Variants in BRD1 observed in about 807,000 individuals in gnomAD.
The protein encoded by BRD1 is bromodomain-containing protein 1.
BRD1 carries 24 observed loss-of-function variants against 107.7 expected under a neutral mutation model. The ratio of observed to expected loss-of-function variants is 0.22; its 90% CI spans 0.16 to 0.31. The LOEUF (loss-of-function observed/expected upper bound fraction) is 0.31. Ranked by LOEUF, BRD1 falls within the 10% of genes least tolerant of loss-of-function variation. The probability of loss-of-function intolerance (pLI) is 1.00; values close to 1 mark genes in which losing one functional copy is unlikely to be tolerated. For synonymous variants in BRD1, 744 were observed against 686.1 expected (o/e 1.08, Z -1.32); for missense variants, 1,279 against 1,638.6 (o/e 0.78, Z 3.79).
chr22:49,812,561 A>T (rs1277020855), intron 2 of BRD1, among the ~76,000 whole-genome samples: 2 of 152,152 alleles, frequency 1.3e-5, no homozygotes, highest in Non-Finnish European at 2.9e-5. Flanking sequence ...ACAGAGCAAG[A>T]CCTTGTCTCA....
intron 1 of BRD1, among the ~76,000 whole-genome samples, chr22:49,826,971 G>A (rs2060153639): frequency 6.6e-6 from 1 of 152,182 alleles, no homozygotes; most frequent in Non-Finnish European, 1.5e-5. Flanking sequence ...CAAACGCCCG[G>A]GGAGGCCGCG....
intron 6 of BRD1, among the ~76,000 whole-genome samples, chr22:49,795,127 T>A (rs1158795836): frequency 6.6e-6 from 1 of 152,188 alleles, no homozygotes; most frequent in Admixed American, 6.5e-5. Context: ...AACAAATCAG[T>A]CCTTCAAGAC....
chr22:49,827,308 T>G (rs1253572913), intron 1 of BRD1, among the ~76,000 whole-genome samples, 189 bp downstream of exon 1: 1 of 147,410 alleles, frequency 6.8e-6, no homozygotes, highest in African/African-American at 2.5e-5. Context: ...CTCCCCGGTC[T>G]CCCCGCCCGG....
At position 49,797,875 on chromosome 22, in the gene BRD1, T is replaced by C. The variant is rs143172394; in HGVS notation, c.2028A>G (p.Glu676=). The change falls in exon 6 of 13, where the codon GAA becomes GAG. Residue 676 remains glutamate, a synonymous_variant. Coordinates refer to ENST00000404760, the MANE Select transcript of BRD1 (RefSeq NM_001304808.3). Reference sequence around the variant, plus strand: ...CAGGCAGGTGCATCCCCGAGGCCTCTTCCAAGCCGATGCTGTCCACCTCGC... The same window carrying C: ...CAGGCAGGTGCATCCCCGAGGCCTCCTCCAAGCCGATGCTGTCCACCTCGC... ...ARREVDSIGL[E]EASGMHLPER... The C allele has an allele frequency of 4.0e-5, 64 of 1,613,496 alleles. No homozygotes were observed. The highest frequency in any genetic ancestry group is 5.3e-5 in the Non-Finnish European group (63 of 1,180,026).
intron 11 of BRD1, 108 bp from the exon 12 acceptor site, chr22:49,775,853 C>T: frequency 1.6e-6 from 2 of 1,234,392 alleles, no homozygotes; most frequent in Non-Finnish European, 2.1e-6. Flanking sequence ...TGTGAGCCTC[C>T]TCAGACCACC....
intron 2 of BRD1, among the ~76,000 whole-genome samples, chr22:49,815,158 G>A (rs1362017597): frequency 3.3e-5 from 5 of 152,168 alleles, no homozygotes; most frequent in East Asian, 1.9e-4. Flanking sequence ...AGGAAGGTGC[G>A]GTGAGGCCAG....
At chr22:49,821,568 G>A (rs1410273573) in intron 2 of BRD1, among the ~76,000 whole-genome samples, 2 of 151,708 alleles carry the variant, frequency 1.3e-5, no homozygotes, top group Non-Finnish European at 2.9e-5. Context: ...CTTCACTTTG[G>A]TAAAGTAGAG....
intron 6 of BRD1, among the ~76,000 whole-genome samples, chr22:49,795,935 G>A (rs999578267): frequency 6.6e-6 from 1 of 152,230 alleles, no homozygotes; most frequent in Non-Finnish European, 1.5e-5. Flanking sequence ...CCTGGAGAGC[G>A]CAGCTTCAGA....
chr22:49,820,112 A>G (rs2060036552), intron 2 of BRD1, among the ~76,000 whole-genome samples: 1 of 152,132 alleles, frequency 6.6e-6, no homozygotes, highest in African/African-American at 2.4e-5. Context: ...CCTGGGCAAC[A>G]AAGCAAGACT....
At chr22:49,781,915 C>T (rs989665532) in intron 8 of BRD1, among the ~76,000 whole-genome samples, 8 of 126,548 alleles carry the variant, frequency 6.3e-5, no homozygotes, top group South Asian at 2.6e-4. Flanking sequence ...GGTCAGAGAC[C>T]GACCCAAGGC....
chr22:49,787,303 C>T lies in BRD1; in HGVS notation c.2857+87G>A, dbSNP rs138838. 7 of 750,066 alleles carry T rather than the reference C, an allele frequency of 9.3e-6. No individual in the cohort carries two copies. The East Asian group carries it at 1.5e-4, about 16-fold the overall frequency. 46.5% of individuals were successfully genotyped at this position (750,066 alleles called of 1,614,324 possible). A position where few individuals can be genotyped will look rare whatever the true frequency, so the allele number is the denominator to read the frequency against. On this transcript the variant is annotated intron_variant, in intron 8 of 12. Transcript: ENST00000404760. ...CTGCAAAAACAGAAGCTGGACACCC[C>T]CCCCCCCCCGTCACACCAATGATCC...
At chr22:49,774,565 G>C (rs2059043523) in intron 12 of BRD1, 149 bp from the exon 13 acceptor site, 1 of 877,050 alleles carries the variant, frequency 1.1e-6, no homozygotes, top group African/African-American at 1.7e-5. Flanking sequence ...TGCAGGGACA[G>C]GCCCGAGGCC....
At position 49,794,267 on chromosome 22, in the gene BRD1, C is replaced by T. The variant is rs1157389834; in HGVS notation, c.2126G>A (p.Arg709Lys). 1 of 1,612,504 alleles carries T rather than the reference C, an allele frequency of 6.2e-7. No individual in the cohort carries two copies. Among genetic ancestry groups the T allele is most frequent in the Non-Finnish European group, 8.5e-7 (1 of 1,179,044 alleles). Residue 709 changes from arginine (R) to lysine (K), a missense_variant, in exon 7 of 13, where the codon AGA becomes AAA. Around this residue, in one of 7 missense-constraint regions of BRD1, gnomAD observed 406 missense variants for 519.4 expected, o/e 0.78. Coordinates refer to ENST00000404760, the MANE Select transcript of BRD1 (RefSeq NM_001304808.3). ...CTGCTCCTCCAGGCCCAGGTGGGCTCTGTTGGCGGGGTCCAGCAACCTGTC... is the reference window on the plus strand; with the variant it reads ...CTGCTCCTCCAGGCCCAGGTGGGCTTTGTTGGCGGGGTCCAGCAACCTGTC... The part of the protein sequence containing the change: ...DVDRLLDPAN[R>K]AHLGLEEQLR...
intron 3 of BRD1, among the ~76,000 whole-genome samples, chr22:49,801,332 C>T (rs769447193): frequency 6.6e-6 from 1 of 152,250 alleles, no homozygotes; most frequent in East Asian, 1.9e-4. Flanking sequence ...ACAGACCCGC[C>T]ATCGCTGCAG....
intron 6 of BRD1, among the ~76,000 whole-genome samples, chr22:49,795,144 C>T (rs182035759): frequency 6.6e-6 from 1 of 152,328 alleles, no homozygotes; most frequent in East Asian, 1.9e-4. Context: ...AGACTCGTAT[C>T]CATAACATCA....
In BRD1 at chr22:49,774,364, CTA is replaced by C; in HGVS notation, c.3437_3438del (p.Ile1146ArgfsTer22). 6.2e-7 allele frequency: 1 copy of C among 1,614,072 alleles called. No individual in the cohort carries two copies. Among genetic ancestry groups the C allele is most frequent in the Non-Finnish European group, 8.5e-7 (1 of 1,179,972 alleles). On this transcript the variant is annotated frameshift_variant, in exon 13 of 13. Transcript: ENST00000404760. LOFTEE classifies it high-confidence loss of function. ...KMVPLGIDET[I>X]DKLKMMEGRN... ...CTCCCTTCCATCATCTTTAACTTGT[CTA>C]TAGTTTCGTCAATACCAAGGGGAAC...
chr22:49,815,551 GA>G (rs11360760), intron 2 of BRD1, among the ~76,000 whole-genome samples: 39,782 of 141,642 alleles, frequency 0.28, 11,089 homozygotes, highest in African/African-American at 0.72. Flanking sequence ...TCAAAAAGAA[GA>G]AAAAAAAAAA....
chr22:49,799,918 G>A, intron 3 of BRD1, among the ~76,000 whole-genome samples: 1 of 152,208 alleles, frequency 6.6e-6, no homozygotes. Flanking sequence ...CAGTGCCGGG[G>A]CACCCTGACC....
At chr22:49,794,353 T>C (rs1397443504) in intron 6 of BRD1, 59 bp from the exon 7 acceptor site, 31 of 1,546,470 alleles carry the variant, frequency 2.0e-5, no homozygotes, top group Non-Finnish European at 2.7e-5. Context: ...TGGGAACACA[T>C]CACCGGTCCC....
Sources: gnomAD v4.1 joint callset for allele counts (sites outside exome capture counted in the v4.1 genomes callset) on GRCh38, gnomAD v4.1.1 for gene constraint, gnomAD v4.1.1 regional missense constraint, MANE v1.5 for transcripts, NCBI Gene and HGNC (gene_info 2026-07-23, HGNC 2026-07-21) for gene names.